The following NEGR1 variants were observed in gnomAD, a reference collection of about 807,000 sequenced individuals.
NEGR1 encodes neuronal growth regulator 1.
In NEGR1, 10 loss-of-function variants were observed where a neutral mutation model predicts 40.9. The ratio of observed to expected loss-of-function variants is 0.24; its 90% CI spans 0.15 to 0.42. The LOEUF is 0.42. Among genes scored for constraint, NEGR1 ranks in the 10% least tolerant of loss-of-function variants. NEGR1 has a pLI of 1.00. For synonymous variants in NEGR1, 185 were observed against 166.8 expected (o/e 1.11, Z -0.84); for missense variants, 352 against 438.9 (o/e 0.80, Z 1.77).
At chr1:72,236,393 C>A (rs188341822) in intron 1 of NEGR1, among the ~76,000 whole-genome samples, 67 of 151,758 alleles carry the variant, frequency 4.4e-4, no homozygotes, top group Non-Finnish European at 8.1e-4. Flanking sequence ...AACAAACCTG[C>A]GCGTTCTGCA....
chr1:71,883,664 G>T (rs192687308), intron 2 of NEGR1, among the ~76,000 whole-genome samples: 1 of 151,892 alleles, frequency 6.6e-6, no homozygotes, highest in East Asian at 1.9e-4. Context: ...CCGTGTTGGT[G>T]TGCTGCACCC....
chr1:71,569,222 G>T (rs947558725), intron 6 of NEGR1, among the ~76,000 whole-genome samples: 9 of 151,994 alleles, frequency 5.9e-5, no homozygotes, highest in African/African-American at 2.2e-4. Flanking sequence ...GGCCAGCAAG[G>T]ATCCTTTTTA....
At position 71,723,311 on chromosome 1, in the gene NEGR1, T is replaced by C. The variant is rs891237582; in HGVS notation, c.536-25172A>G. Among the ~76,000 whole-genome samples the C allele has an allele frequency of 1.2e-4, 19 of 152,106 alleles. 1 individual carries two copies. The highest frequency in any genetic ancestry group is 8.5e-4 in the Admixed American group (13 of 15,258). On this transcript the variant is annotated intron_variant, in intron 3 of 6. Transcript: ENST00000357731. The stretch of plus-strand genomic sequence containing the variant: ...AATTTCCTGAGTGATAATAAGAGTG[T>C]CATTTGTCATAATGAGACAACTTTT...
intron 1 of NEGR1, among the ~76,000 whole-genome samples, chr1:72,175,483 C>T (rs1652132354): frequency 1.3e-5 from 2 of 151,968 alleles, no homozygotes; most frequent in African/African-American, 2.4e-5. Context: ...TCAAAAGTCA[C>T]TTAAATGCAA....
intron 3 of NEGR1, among the ~76,000 whole-genome samples, chr1:71,706,827 C>T (rs528728253): frequency 3.9e-5 from 6 of 151,912 alleles, no homozygotes; most frequent in East Asian, 3.9e-4. Flanking sequence ...AACACTGGGC[C>T]CTGAATAACC....
At chr1:72,134,171 C>T (rs920358295) in intron 1 of NEGR1, among the ~76,000 whole-genome samples, 10 of 150,268 alleles carry the variant, frequency 6.7e-5, no homozygotes, top group Non-Finnish European at 1.3e-4. Flanking sequence ...ACATCAGTGT[C>T]AATGATGATG....
At chr1:71,421,397 AAG>A (rs1346721688) in intron 6 of NEGR1, 1 of 152,036 alleles carries the variant, frequency 6.6e-6, no homozygotes, top group Non-Finnish European at 1.5e-5. Context: ...CTTACTATTC[AAG>A]CTCGAGGTCA....
Position 72,004,889 on chromosome 1 carries a change from G to T in NEGR1, c.177-69578C>A, listed in dbSNP as rs1376601034. On this transcript the variant is annotated intron_variant, in intron 1 of 6. Transcript: ENST00000357731. ...AGTAAGAAGCAAAACAAAGGCAAAAGAATTGAAATCTTACAATTCAATTTA... is the reference window on the plus strand; with the variant it reads ...AGTAAGAAGCAAAACAAAGGCAAAATAATTGAAATCTTACAATTCAATTTA... Among the ~76,000 whole-genome samples, 2 of 152,168 alleles carry T rather than the reference G, an allele frequency of 1.3e-5. 1 individual carries two copies. Among genetic ancestry groups the T allele is most frequent in the South Asian group, 4.2e-4 (2 of 4,816 alleles).
In NEGR1 at chr1:71,688,309, C is replaced by CATATATATATATATAT. The variant is rs373700339; in HGVS notation, c.667+9683_667+9698dup. Among the ~76,000 whole-genome samples, 263 of 41,252 alleles carry CATATATATATATATAT rather than the reference C, an allele frequency of 6.4e-3. 11 individuals are homozygous for CATATATATATATATAT. Among genetic ancestry groups the CATATATATATATATAT allele is most frequent in the South Asian group, 0.013 (16 of 1,278 alleles). 27.1% of individuals were successfully genotyped at this position (41,252 alleles called of 152,430 possible). On this transcript the variant is annotated intron_variant, in intron 4 of 6. Transcript: ENST00000357731. Reference sequence around the variant, plus strand: ...GGTGAACTGGAGGAGTTTCCCTTTTCATATATATATATATATATAGATAGA... The same window carrying CATATATATATATATAT: ...GGTGAACTGGAGGAGTTTCCCTTTTCATATATATATATATATATATATATATATATATATAGATAGA...
At chr1:71,894,783 C>G (rs1199281968) in intron 2 of NEGR1, among the ~76,000 whole-genome samples, 1 of 152,150 alleles carries the variant, frequency 6.6e-6, no homozygotes, top group Non-Finnish European at 1.5e-5. Context: ...TGGCTCATGC[C>G]TGTAGTTTAA....
rs141371789 is a variant in NEGR1, at chr1:71,462,896, C to T, written c.941-55326G>A. 3.0e-4 allele frequency among the ~76,000 whole-genome samples: 46 copies of T among 152,134 alleles called. No individual in the cohort carries two copies. In the East Asian group the frequency reaches 8.5e-3, roughly 28 times the overall value. On this transcript the variant is annotated intron_variant, in intron 6 of 6. Coordinates refer to ENST00000357731, the MANE Select transcript of NEGR1 (RefSeq NM_173808.3). ...GTGTTTATAGTTACATTTGATAATACGTAACTGTACAAGAAAATCAGAGGG... is the reference window on the plus strand; with the variant it reads ...GTGTTTATAGTTACATTTGATAATATGTAACTGTACAAGAAAATCAGAGGG...
chr1:72,024,032 A>T (rs2100425348), intron 1 of NEGR1, among the ~76,000 whole-genome samples: 1 of 152,232 alleles, frequency 6.6e-6, no homozygotes. Context: ...TCATATTTCC[A>T]AAGAAAATCA....
intron 2 of NEGR1, among the ~76,000 whole-genome samples, chr1:71,823,517 C>T (rs533093222): frequency 6.6e-6 from 1 of 152,082 alleles, no homozygotes; most frequent in South Asian, 2.1e-4. Flanking sequence ...TCCAGGTGAT[C>T]CTTGCTGCCA....
intron 2 of NEGR1, among the ~76,000 whole-genome samples, chr1:71,777,845 C>T (rs1656565368): frequency 6.6e-6 from 1 of 151,956 alleles, no homozygotes; most frequent in Admixed American, 6.6e-5. Context: ...CTAAGTAATA[C>T]ACCACTGTAA....
At chr1:72,153,017 C>T (rs779542082) in intron 1 of NEGR1, among the ~76,000 whole-genome samples, 1 of 151,740 alleles carries the variant, frequency 6.6e-6, no homozygotes, top group Non-Finnish European at 1.5e-5. Flanking sequence ...ACTACATATT[C>T]GGTACTATAT....
chr1:71,936,077 G>C (rs533692375), intron 1 of NEGR1, among the ~76,000 whole-genome samples: 47 of 152,230 alleles, frequency 3.1e-4, no homozygotes, highest in Middle Eastern at 3.4e-3. Context: ...GGGATTACAG[G>C]CTTGAGCCAC....
At chr1:71,522,119 A>G (rs1208932070) in intron 6 of NEGR1, among the ~76,000 whole-genome samples, 1 of 151,972 alleles carries the variant, frequency 6.6e-6, no homozygotes, top group Non-Finnish European at 1.5e-5. Context: ...GTTCTAAATA[A>G]ATATGATAAA....
At chr1:71,538,569 GT>G (rs769550645) in intron 6 of NEGR1, among the ~76,000 whole-genome samples, 15 of 151,768 alleles carry the variant, frequency 9.9e-5, no homozygotes, top group Admixed American at 8.5e-4. Flanking sequence ...AATGACCAAG[GT>G]TAGTGCTGAT....
intron 1 of NEGR1, among the ~76,000 whole-genome samples, chr1:72,243,469 T>C (rs1019740029): frequency 6.6e-6 from 1 of 151,802 alleles, no homozygotes; most frequent in Non-Finnish European, 1.5e-5. Flanking sequence ...AATCTGCACA[T>C]GTACCCCTTG....
Sources: allele counts gnomAD v4.1 joint callset (sites outside exome capture counted in the v4.1 genomes callset), GRCh38; gene constraint gnomAD v4.1.1; transcripts MANE v1.5; gene names NCBI Gene and HGNC (gene_info 2026-07-23, HGNC 2026-07-21).